The following DNAI3 variants were observed in gnomAD, a reference collection of about 807,000 sequenced individuals.
The protein encoded by DNAI3 is dynein axonemal intermediate chain 3.
In DNAI3, 83 loss-of-function variants were observed where a neutral mutation model predicts 115.5. The observed-to-expected ratio is 0.72, with a 90% CI of 0.60 to 0.86. The LOEUF (loss-of-function observed/expected upper bound fraction) is 0.86. DNAI3 is among the 40% of genes least tolerant of loss of function. The pLI is 0.00. For missense variants in DNAI3, 1,004 were observed against 1,075.8 expected (o/e 0.93, Z 0.93); for synonymous variants, 320 against 347.0 (o/e 0.92, Z 0.86).
At chr1:85,071,639 TCGTGCTTCCATGGCAGGAC>T (rs537719523) in intron 1 of DNAI3, among the ~76,000 whole-genome samples, 33 of 152,276 alleles carry the variant, frequency 2.2e-4, no homozygotes, top group African/African-American at 7.7e-4. Flanking sequence ...AAGTCCTCTG[TCGTGCTTCCATGGCAGGAC>T]CTATGGCTGA....
At chr1:85,124,887 G>T (rs983832857) in intron 19 of DNAI3, among the ~76,000 whole-genome samples, 2 of 152,108 alleles carry the variant, frequency 1.3e-5, no homozygotes, top group South Asian at 4.2e-4. Flanking sequence ...AATTCTGATT[G>T]AAGTGCAAGG....
Position 85,124,109 on chromosome 1 carries a change from T to C in DNAI3, c.1982-12T>C, listed in dbSNP as rs751504431. On this transcript the variant is annotated splice_polypyrimidine_tract_variant and intron_variant, in intron 18 of 22. Coordinates refer to ENST00000294664, the MANE Select transcript of DNAI3 (RefSeq NM_145172.5). ...TTATTAAAGATGAGATGGTCTTCTTTCACTCCAATAGCAAAGAAGCCAGTG... is the reference window on the plus strand; with the variant it reads ...TTATTAAAGATGAGATGGTCTTCTTCCACTCCAATAGCAAAGAAGCCAGTG... 7 of 1,613,884 alleles carry C rather than the reference T, an allele frequency of 4.3e-6. No homozygotes were observed. In the African/African-American group the frequency reaches 8.0e-5, roughly 18 times the overall value.
intron 16 of DNAI3, among the ~76,000 whole-genome samples, chr1:85,115,871 G>A (rs930924248): frequency 2.0e-5 from 3 of 152,196 alleles, no homozygotes; most frequent in Non-Finnish European, 2.9e-5. Context: ...CCCACCTGCT[G>A]CTTGTCTCCT....
chr1:85,123,161 T>C lies in DNAI3; in HGVS notation c.1982-960T>C, dbSNP rs375648704. On this transcript the variant is annotated intron_variant, in intron 18 of 22. Transcript: ENST00000294664. ...CTAGCTCACAAATATTTCTTGATTA[T>C]CCCTTCTTCTCCCTTGCATCTTAGA... Among the ~76,000 whole-genome samples, 26 of 152,268 alleles carry C rather than the reference T, an allele frequency of 1.7e-4. No homozygotes were observed. In the East Asian group the frequency reaches 4.8e-3, roughly 28 times the overall value.
Position 85,124,153 on chromosome 1 carries a change from G to A in DNAI3, c.2014G>A (p.Asp672Asn), listed in dbSNP as rs1456727115. The A allele has an allele frequency of 1.2e-6, 2 of 1,614,022 alleles. No individual in the cohort carries two copies. Among genetic ancestry groups the A allele is most frequent in the Admixed American group, 1.7e-5 (1 of 59,998 alleles). Reference sequence around the variant, plus strand: ...GCCAGTGAGCCACCACACCATTCACGACGGAACTGTCCACACTATTCAGAG... The same window carrying A: ...GCCAGTGAGCCACCACACCATTCACAACGGAACTGTCCACACTATTCAGAG... The part of the protein sequence containing the change: ...KKPVSHHTIH[D>N]GTVHTIQRSP... Residue 672 changes from aspartate to asparagine, a missense_variant, in exon 19 of 23, where the codon GAC becomes AAC. Asp to Asn is a conservative substitution (Grantham distance 23, BLOSUM62 1). This residue lies in a region of DNAI3 where 429 missense variants were observed against 454.3 expected (regional missense o/e 0.94). Transcript: ENST00000294664.
rs145204612 is a variant in DNAI3, at chr1:85,124,208, C to G, written c.2069C>G (p.Thr690Arg). 6.2e-7 allele frequency: 1 copy of G among 1,613,974 alleles called. No individual in the cohort carries two copies. Among genetic ancestry groups the G allele is most frequent in the Admixed American group, 1.7e-5 (1 of 59,978 alleles). Residue 690 changes from threonine to arginine, a missense_variant, in exon 19 of 23, where the codon ACG (threonine) becomes AGG (arginine). Thr to Arg is a moderately conservative substitution (Grantham distance 71). Around this residue, in one of 3 missense-constraint regions of DNAI3, gnomAD observed 429 missense variants for 454.3 expected, o/e 0.94. Coordinates refer to ENST00000294664, the MANE Select transcript of DNAI3 (RefSeq NM_145172.5). ...RSPFYNDIILTVGGWNVAIWK... is the reference protein window; with the variant it reads ...RSPFYNDIILRVGGWNVAIWK... ...CCTTTCTACAACGACATTATTCTCA[C>G]GGTTGGAGGTTGGAACGTGGCCATA...
intron 11 of DNAI3, among the ~76,000 whole-genome samples, chr1:85,097,333 A>C (rs1226401310): frequency 6.6e-6 from 1 of 152,218 alleles, no homozygotes; most frequent in East Asian, 1.9e-4. Context: ...TTTTAAAAAT[A>C]CTGGCCTTTA....
intron 8 of DNAI3, among the ~76,000 whole-genome samples, chr1:85,093,035 T>G (rs751168170): frequency 6.6e-6 from 1 of 152,160 alleles, no homozygotes; most frequent in Non-Finnish European, 1.5e-5. Flanking sequence ...AGGATTACAC[T>G]GTGAAAAATA....
intron 1 of DNAI3, 28 bp downstream of exon 1, chr1:85,062,514 G>A (rs1289280447): frequency 6.6e-6 from 1 of 152,312 alleles, no homozygotes; most frequent in African/African-American, 2.4e-5. Context: ...TGGGAAAGGC[G>A]GCTTGGAAAA....
chr1:85,125,587 G>A (rs1656111308), intron 19 of DNAI3, among the ~76,000 whole-genome samples: 1 of 151,236 alleles, frequency 6.6e-6, no homozygotes, highest in African/African-American at 2.4e-5. Flanking sequence ...AAAAGAAAAA[G>A]GAAATTCAGG....
intron 20 of DNAI3, among the ~76,000 whole-genome samples, chr1:85,127,550 A>G (rs1349160045): frequency 1.3e-5 from 2 of 152,116 alleles, no homozygotes; most frequent in Non-Finnish European, 2.9e-5. Context: ...CTTTTTTAAA[A>G]GAAGAAGTTT....
chr1:85,092,794 T>TACACACACTCAC, intron 8 of DNAI3, among the ~76,000 whole-genome samples: 1 of 145,280 alleles, frequency 6.9e-6, no homozygotes, highest in Admixed American at 6.9e-5. Flanking sequence ...CAACTAAAAC[T>TACACACACTCAC]ACACACACAC....
chr1:85,101,189 A>T, intron 13 of DNAI3, among the ~76,000 whole-genome samples: 1 of 152,166 alleles, frequency 6.6e-6, no homozygotes, highest in Admixed American at 6.5e-5. Context: ...GAGAAATTAG[A>T]GTTGTAAGAG....
intron 13 of DNAI3, among the ~76,000 whole-genome samples, chr1:85,101,481 T>C (rs370484298): frequency 1.3e-4 from 19 of 151,894 alleles, no homozygotes; most frequent in African/African-American, 4.3e-4. Context: ...TCCCAGCACT[T>C]TGGGAGGCCG....
At chr1:85,117,963 T>A in intron 17 of DNAI3, 104 bp downstream of exon 17, 2 of 1,342,088 alleles carry the variant, frequency 1.5e-6, no homozygotes, top group East Asian at 5.2e-5. Context: ...ATAAAAGTTA[T>A]ACCATTTTCA....
chr1:85,115,716 A>AG (rs59966947), intron 16 of DNAI3, among the ~76,000 whole-genome samples: 7,692 of 147,372 alleles, frequency 0.052, 257 homozygotes, highest in East Asian at 0.15. Context: ...AGGTGGGGGC[A>AG]GGGGGGCAGG....
chr1:85,071,555 TGTTGGGAA>T (rs1181368227), intron 1 of DNAI3, among the ~76,000 whole-genome samples: 8 of 152,228 alleles, frequency 5.3e-5, no homozygotes, highest in African/African-American at 1.9e-4. Flanking sequence ...CTGGGCTACC[TGTTGGGAA>T]GCCCAGCAAA....
chr1:85,100,365 T>C (rs1655258955), intron 13 of DNAI3, among the ~76,000 whole-genome samples: 2 of 152,144 alleles, frequency 1.3e-5, no homozygotes, highest in Non-Finnish European at 2.9e-5. Context: ...AAAAAACACA[T>C]GAGAAAATGC....
chr1:85,108,778 C>T (rs1167903964), intron 15 of DNAI3, among the ~76,000 whole-genome samples: 1 of 152,150 alleles, frequency 6.6e-6, no homozygotes, highest in Non-Finnish European at 1.5e-5. Flanking sequence ...TTCTTTCCTT[C>T]CCCCTTACAA....
Sources: gnomAD v4.1 joint callset for allele counts (sites outside exome capture counted in the v4.1 genomes callset) on GRCh38, gnomAD v4.1.1 for gene constraint, gnomAD v4.1.1 regional missense constraint, MANE v1.5 for transcripts, NCBI Gene and HGNC (gene_info 2026-07-23, HGNC 2026-07-21) for gene names.